The following NXPH1 variants were observed in gnomAD, a reference collection of about 807,000 sequenced individuals.
NXPH1 encodes neurexophilin-1.
Under a neutral mutation model 23.7 loss-of-function variants are expected in NXPH1, and 5 were observed. The ratio of observed to expected loss-of-function variants is 0.21; its 90% CI spans 0.11 to 0.44. NXPH1 has a LOEUF of 0.44. NXPH1 is among the 20% of genes least tolerant of loss of function. NXPH1 has a pLI of 0.99. For missense variants in NXPH1, 324 were observed against 321.6 expected, an observed-to-expected ratio of 1.01 and a Z score of -0.06; for synonymous variants, 144 against 122.2, an observed-to-expected ratio of 1.18 and a Z score of -1.18.
At chr7:8,749,332 T>G (rs1159009229) in intron 2 of NXPH1, among the ~76,000 whole-genome samples, 1 of 152,192 alleles carries the variant, frequency 6.6e-6, no homozygotes, top group Non-Finnish European at 1.5e-5. Context: ...GTTAACTAAC[T>G]TGACCAGGGG....
intron 2 of NXPH1, among the ~76,000 whole-genome samples, chr7:8,441,711 A>C (rs780731603): frequency 4.6e-5 from 7 of 152,268 alleles, no homozygotes; most frequent in Non-Finnish European, 5.9e-5. Flanking sequence ...TTTTATTGAG[A>C]TAATATATTT....
At chr7:8,725,489 CA>C (rs57404484) in intron 2 of NXPH1, among the ~76,000 whole-genome samples, 6,382 of 105,608 alleles carry the variant, frequency 0.06, 369 homozygotes, top group African/African-American at 0.19. Flanking sequence ...GATTCTGTCT[CA>C]AAAAAAAAAA....
intron 2 of NXPH1, among the ~76,000 whole-genome samples, chr7:8,713,455 T>C (rs1779827061): frequency 6.6e-6 from 1 of 152,178 alleles, no homozygotes; most frequent in East Asian, 1.9e-4. Flanking sequence ...CCCTGGTGCC[T>C]TAGTTTGTTT....
intron 2 of NXPH1, among the ~76,000 whole-genome samples, chr7:8,739,765 T>A (rs1780329625): frequency 6.6e-6 from 1 of 152,328 alleles, no homozygotes; most frequent in Admixed American, 6.5e-5. Flanking sequence ...ATTTTCTTTC[T>A]TTCCATCCTT....
At chr7:8,513,765 C>T (rs950004951) in intron 2 of NXPH1, among the ~76,000 whole-genome samples, 4 of 152,098 alleles carry the variant, frequency 2.6e-5, no homozygotes, top group African/African-American at 4.8e-5. Flanking sequence ...CACCTATGTC[C>T]TATGGTTTGT....
chr7:8,645,461 G>A (rs1358489985), intron 2 of NXPH1, among the ~76,000 whole-genome samples: 1 of 151,828 alleles, frequency 6.6e-6, no homozygotes, highest in Non-Finnish European at 1.5e-5. Context: ...CTCCCTCTGT[G>A]ATATTCTCCT....
intron 2 of NXPH1, among the ~76,000 whole-genome samples, chr7:8,538,466 T>G (rs1321752196): frequency 6.6e-6 from 1 of 151,928 alleles, no homozygotes; most frequent in African/African-American, 2.4e-5. Flanking sequence ...GGTAAGTTAC[T>G]GAATGTTTCT....
intron 2 of NXPH1, among the ~76,000 whole-genome samples, chr7:8,714,421 A>G (rs1353897128): frequency 6.6e-6 from 1 of 152,106 alleles, no homozygotes; most frequent in African/African-American, 2.4e-5. Context: ...GACCCTGCTT[A>G]GTGCTCTTCC....
At chr7:8,610,592 A>G (rs574921330) in intron 2 of NXPH1, among the ~76,000 whole-genome samples, 1 of 152,310 alleles carries the variant, frequency 6.6e-6, no homozygotes, top group South Asian at 2.1e-4. Flanking sequence ...GAGAGAAAGA[A>G]GGAGAATATG....
At chr7:8,718,641 A>G (rs1692475126) in intron 2 of NXPH1, among the ~76,000 whole-genome samples, 1 of 152,214 alleles carries the variant, frequency 6.6e-6, no homozygotes, top group Non-Finnish European at 1.5e-5. Context: ...TTATATAGTT[A>G]TATTTCAATC....
chr7:8,584,912 T>A (rs991398098), intron 2 of NXPH1, among the ~76,000 whole-genome samples: 13 of 152,244 alleles, frequency 8.5e-5, no homozygotes, highest in Non-Finnish European at 1.8e-4. Context: ...CTGCTTAGAC[T>A]GACCACATAG....
At chr7:8,511,043 T>G (rs1461401157) in intron 2 of NXPH1, among the ~76,000 whole-genome samples, 1 of 152,138 alleles carries the variant, frequency 6.6e-6, no homozygotes, top group Non-Finnish European at 1.5e-5. Context: ...TTCTCCACTT[T>G]GCAGAAAAAC....
At chr7:8,451,697 T>C (rs1395257665) in intron 2 of NXPH1, among the ~76,000 whole-genome samples, 1 of 152,216 alleles carries the variant, frequency 6.6e-6, no homozygotes, top group African/African-American at 2.4e-5. Context: ...TTTATGCCCA[T>C]TGCCTATATC....
intron 2 of NXPH1, among the ~76,000 whole-genome samples, chr7:8,654,066 C>A (rs2115154903): frequency 6.6e-6 from 1 of 152,234 alleles, no homozygotes; most frequent in Middle Eastern, 3.4e-3. Context: ...TCAGGGAGGG[C>A]TGGCTAGCAG....
chr7:8,462,479 T>C (rs918004584), intron 2 of NXPH1, among the ~76,000 whole-genome samples: 66 of 152,100 alleles, frequency 4.3e-4, no homozygotes, highest in African/African-American at 1.5e-3. Flanking sequence ...CACTGAGAAA[T>C]GGAGAAAAAA....
chr7:8,530,532 G>A (rs746674241), intron 2 of NXPH1, among the ~76,000 whole-genome samples: 9 of 152,198 alleles, frequency 5.9e-5, no homozygotes, highest in Non-Finnish European at 7.3e-5. Flanking sequence ...AAATCAGACA[G>A]CCATTCTGGT....
chr7:8,676,102 A>G (rs1820947558), intron 2 of NXPH1, among the ~76,000 whole-genome samples: 4 of 152,172 alleles, frequency 2.6e-5, no homozygotes, highest in Admixed American at 2.6e-4. Flanking sequence ...TAAAAGTGTA[A>G]AGTTTTATTG....
chr7:8,539,727 C>A (rs1205411785), intron 2 of NXPH1, among the ~76,000 whole-genome samples: 1 of 151,730 alleles, frequency 6.6e-6, no homozygotes, highest in Admixed American at 6.6e-5. Context: ...TTACCAGACA[C>A]ATGTCCACAA....
intron 2 of NXPH1, among the ~76,000 whole-genome samples, chr7:8,743,192 T>A (rs973253118): frequency 3.3e-5 from 5 of 152,100 alleles, no homozygotes; most frequent in South Asian, 2.1e-4. Flanking sequence ...GTTTTTTTTT[T>A]AAACATTTTT....
Sources: allele counts gnomAD v4.1 joint callset (sites outside exome capture counted in the v4.1 genomes callset), GRCh38; gene constraint gnomAD v4.1.1; transcripts MANE v1.5; gene names NCBI Gene and HGNC (gene_info 2026-07-23, HGNC 2026-07-21).